Variants in CLMN observed in about 807,000 individuals in gnomAD.
The protein encoded by CLMN is calmin (calponin-like, transmembrane).
In CLMN, 57 loss-of-function variants were observed where a neutral mutation model predicts 92.7. The ratio of observed to expected loss-of-function variants is 0.61; its 90% CI spans 0.50 to 0.77. The LOEUF (loss-of-function observed/expected upper bound fraction) is 0.77, where lower values mean the gene tolerates loss of function less well. Among genes scored for constraint, CLMN ranks in the 30% least tolerant of loss-of-function variants. The pLI, the probability that CLMN is intolerant of heterozygous loss-of-function variation, is 0.00. For missense variants in CLMN, 1,158 were observed against 1,237.5 expected (o/e 0.94, Z 0.96); for synonymous variants, 466 against 470.6 (o/e 0.99, Z 0.13).
chr14:95,264,280 C>T (rs1899379491), intron 1 of CLMN, among the ~76,000 whole-genome samples: 1 of 152,142 alleles, frequency 6.6e-6, no homozygotes, highest in Admixed American at 6.5e-5. Flanking sequence ...AGCAATCTGC[C>T]TGCCTTGGCC....
In CLMN at chr14:95,319,340, CAG is replaced by C. The variant is rs1555397641; in HGVS notation, c.82+369_82+370del. 5.5e-4 allele frequency among the ~76,000 whole-genome samples: 75 copies of C among 137,214 alleles called. 1 individual carries two copies. The highest frequency in any genetic ancestry group is 2.1e-3 in the African/African-American group (70 of 32,830). The allele number at this position is 137,214 out of a possible 152,430, so 90.0% of individuals were successfully genotyped here. On this transcript the variant is annotated intron_variant, in intron 1 of 12. Transcript: ENST00000298912. ...ACACACACACACACACACACACACA[CAG>C]AGTCGCACTGTCTCCTCCCCTCCCT...
chr14:95,246,618 A>G (rs1674726228), intron 1 of CLMN, among the ~76,000 whole-genome samples: 1 of 152,040 alleles, frequency 6.6e-6, no homozygotes, highest in Admixed American at 6.5e-5. Flanking sequence ...AGAGGCGCCC[A>G]CCACCACGCC....
chr14:95,304,446 G>A (rs973254145), intron 1 of CLMN, among the ~76,000 whole-genome samples: 4 of 152,144 alleles, frequency 2.6e-5, no homozygotes, highest in African/African-American at 9.7e-5. Context: ...GGAATTAGTG[G>A]TGGCAGGTAT....
intron 9 of CLMN, chr14:95,199,375 C>CT (rs1896812907): frequency 6.6e-6 from 1 of 152,242 alleles, no homozygotes; most frequent in Admixed American, 6.5e-5. Context: ...TCGAACCAGA[C>CT]TTTTTCTGTA....
chr14:95,286,140 G>A (rs1454543616), intron 1 of CLMN, among the ~76,000 whole-genome samples: 1 of 152,160 alleles, frequency 6.6e-6, no homozygotes, highest in Non-Finnish European at 1.5e-5. Context: ...TGGTAATGTG[G>A]TTATGCTTTT....
chr14:95,231,548 A>C (rs935854219), intron 1 of CLMN, among the ~76,000 whole-genome samples: 1 of 152,174 alleles, frequency 6.6e-6, no homozygotes, highest in Non-Finnish European at 1.5e-5. Flanking sequence ...CACCCTGTCC[A>C]TGGAAAAATT....
rs1595550572 is a variant in CLMN, at chr14:95,194,266, C to T, written c.2769+270G>A. On this transcript the variant is annotated intron_variant, in intron 11 of 12. Transcript: ENST00000298912. This position sits in a 1 kb window ranked among gnomAD's most constrained non-coding sequence, Gnocchi z 4.0. ...TGAACGTGATCCTTCTGGGTGCGCG[C>T]GGGGTCCAGGTGAGGCGTTTTGGGT... 5 of 1,382,014 alleles carry T rather than the reference C, an allele frequency of 3.6e-6. No homozygotes were observed. Among genetic ancestry groups the T allele is most frequent in the South Asian group, 3.2e-5 (2 of 61,544 alleles). The allele number at this position is 1,382,014 out of a possible 1,614,324, so 85.6% of individuals were successfully genotyped here.
intron 1 of CLMN, among the ~76,000 whole-genome samples, chr14:95,293,109 CCCCTCCCTTCCCTCCTTCCCTCCCTCCTT>C (rs374868247): frequency 0.066 from 8,945 of 135,978 alleles, 411 homozygotes; most frequent in African/African-American, 0.12. Context: ...TCCCTGCCCT[CCCCTCCCTTCCCTCCTTCCCTCCCTCCTT>C]CCCTCCCTTC....
At chr14:95,216,199 G>A (rs770365909) in intron 4 of CLMN, among the ~76,000 whole-genome samples, 2 of 152,198 alleles carry the variant, frequency 1.3e-5, no homozygotes, top group African/African-American at 4.8e-5. Context: ...GCAAGAGAAC[G>A]TGTGCAGGGG....
chr14:95,287,281 G>T (rs1900380945), intron 1 of CLMN, among the ~76,000 whole-genome samples: 1 of 152,248 alleles, frequency 6.6e-6, no homozygotes, highest in Admixed American at 6.5e-5. Flanking sequence ...GATGGGAACT[G>T]TCCCCGTCAC....
At chr14:95,193,108 T>A (rs1439179767) in intron 12 of CLMN, 1 of 528,538 alleles carries the variant, frequency 1.9e-6, no homozygotes, top group African/African-American at 1.9e-5. Context: ...TCTAAATCCT[T>A]CCAAGCCAAT....
At chr14:95,265,124 C>A (rs1421702703) in intron 1 of CLMN, among the ~76,000 whole-genome samples, 1 of 151,928 alleles carries the variant, frequency 6.6e-6, no homozygotes, top group Non-Finnish European at 1.5e-5. Context: ...TGCCTGTAGT[C>A]CCAGCTGCTC....
chr14:95,210,734 T>A lies in CLMN; in HGVS notation c.754A>T (p.Ser252Cys). 6.2e-7 allele frequency: 1 copy of A among 1,610,720 alleles called. No homozygotes were observed. ...STRENLEKAF[S>C]IAQDALHIPR... Reference sequence around the variant, plus strand: ...ATGTGCAGGGCATCCTGTGCGATGCTGAAAGCCTTCTCTAGATTTTCTCGT... The same window carrying A: ...ATGTGCAGGGCATCCTGTGCGATGCAGAAAGCCTTCTCTAGATTTTCTCGT... Residue 252 changes from serine (S) to cysteine (C), a missense_variant, in exon 7 of 13, where the codon AGC (serine) becomes TGC (cysteine). Coordinates refer to ENST00000298912, the MANE Select transcript of CLMN (RefSeq NM_024734.4).
chr14:95,224,376 G>C (rs144937525), intron 2 of CLMN, among the ~76,000 whole-genome samples: 1 of 152,062 alleles, frequency 6.6e-6, no homozygotes, highest in Non-Finnish European at 1.5e-5. Flanking sequence ...TCCGCCTCCC[G>C]GGTTCAAGTG....
intron 1 of CLMN, among the ~76,000 whole-genome samples, chr14:95,285,780 T>C (rs897100711): frequency 1.3e-5 from 2 of 152,068 alleles, no homozygotes; most frequent in African/African-American, 4.8e-5. Flanking sequence ...ACAGGCGAGA[T>C]CACTGGGATA....
rs1354051299 is a variant in CLMN at position 95,317,690 on chromosome 14, T to A, written c.82+2021A>T. Among the ~76,000 whole-genome samples, 3 of 151,888 alleles carry A rather than the reference T, an allele frequency of 2.0e-5. No individual in the cohort carries two copies. The East Asian group carries it at 5.8e-4, about 29-fold the overall frequency. On this transcript the variant is annotated intron_variant, in intron 1 of 12. Coordinates refer to ENST00000298912, the MANE Select transcript of CLMN (RefSeq NM_024734.4). ...AACTAACTTTCAGTAATGGATCAAG[T>A]TTGCTCCCTTGGTGGTCAGGGGGCA...
At chr14:95,277,937 T>C (rs866453273) in intron 1 of CLMN, among the ~76,000 whole-genome samples, 1 of 152,256 alleles carries the variant, frequency 6.6e-6, no homozygotes, top group Non-Finnish European at 1.5e-5. Context: ...AGGCTTTGTC[T>C]ATTCATGATG....
At position 95,194,621 on chromosome 14, in the gene CLMN, A is replaced by G. The variant is rs1896650721; in HGVS notation, c.2709-25T>C. On this transcript the variant is annotated intron_variant, in intron 10 of 12. Transcript: ENST00000298912. The surrounding 1 kb of genome is among the most constrained non-coding windows in gnomAD (Gnocchi z 4.0). The stretch of plus-strand genomic sequence containing the variant: ...CCTGAAAAACAAACACATGTTTTGA[A>G]TTGGTACCACCTGGAGCTCTTCATG... 1 of 1,612,088 alleles carries G rather than the reference A, an allele frequency of 6.2e-7. No homozygotes were observed. Among genetic ancestry groups the G allele is most frequent in the Non-Finnish European group, 8.5e-7 (1 of 1,178,102 alleles).
At chr14:95,247,593 A>C (rs1013882429) in intron 1 of CLMN, among the ~76,000 whole-genome samples, 3 of 152,152 alleles carry the variant, frequency 2.0e-5, no homozygotes, top group African/African-American at 7.2e-5. Flanking sequence ...CACTATCATT[A>C]TGGTGTGCAC....
Sources: gnomAD v4.1 joint callset for allele counts (sites outside exome capture counted in the v4.1 genomes callset) on GRCh38, gnomAD v4.1.1 for gene constraint, Gnocchi (gnomAD v3.1) non-coding constraint, MANE v1.5 for transcripts, NCBI Gene and HGNC (gene_info 2026-07-23, HGNC 2026-07-21) for gene names.